TSPAN11: variants seen among roughly 807,000 people sequenced by gnomAD.
The protein encoded by TSPAN11 is tetraspanin-11.
TSPAN11 carries 29 observed loss-of-function variants against 32.9 expected under a neutral mutation model. The ratio of observed to expected loss-of-function variants is 0.88; its 90% CI spans 0.66 to 1.20. The LOEUF (loss-of-function observed/expected upper bound fraction) is 1.20, where lower values mean the gene tolerates loss of function less well. Among genes scored for constraint, TSPAN11 ranks in the 50% most tolerant of loss-of-function variants. The pLI, the probability that TSPAN11 is intolerant of heterozygous loss-of-function variation, is 0.00. For synonymous variants in TSPAN11, 140 were observed against 141.3 expected (o/e 0.99, Z 0.07); for missense variants, 283 against 329.1 (o/e 0.86, Z 1.08).
intron 3 of TSPAN11, among the ~76,000 whole-genome samples, chr12:30,968,202 C>T (rs1273170505): frequency 1.3e-5 from 2 of 152,160 alleles, no homozygotes; most frequent in Non-Finnish European, 2.9e-5. Flanking sequence ...ACCAAGTGGT[C>T]CCTGAGGAGG....
chr12:30,974,718 G>A (rs556607566), intron 3 of TSPAN11, among the ~76,000 whole-genome samples: 83 of 152,352 alleles, frequency 5.4e-4, no homozygotes, highest in South Asian at 6.2e-4. Flanking sequence ...CATGCTAGGG[G>A]ACAGAGTGGT....
chr12:30,995,655 C>T lies in TSPAN11; in HGVS notation c.*3740C>T, dbSNP rs1257814899. The T allele has an allele frequency of 6.6e-6, 1 of 152,170 alleles. No individual in the cohort carries two copies. Among genetic ancestry groups the T allele is most frequent in the Admixed American group, 6.5e-5 (1 of 15,284 alleles). The allele number at this position is 152,170 out of a possible 1,614,324, so 9.4% of individuals were successfully genotyped here. ...TCATCACCACCCACCCTGTCACCCA[C>T]CTGGAAAACATTCTTGATATACTGG... is the stretch of plus-strand genomic sequence containing the variant. On this transcript the variant is annotated 3_prime_UTR_variant, in exon 8 of 8. Coordinates refer to ENST00000546076, the MANE Select transcript of TSPAN11 (RefSeq NM_001370302.1).
At chr12:30,967,569 C>T (rs1938758596) in intron 3 of TSPAN11, among the ~76,000 whole-genome samples, 1 of 152,246 alleles carries the variant, frequency 6.6e-6, no homozygotes, top group Admixed American at 6.5e-5. Flanking sequence ...CCATCCCACA[C>T]AGAACTGGTG....
the TSPAN11 span, among the ~76,000 whole-genome samples, chr12:31,007,392 A>G: frequency 6.6e-6 from 1 of 151,352 alleles, no homozygotes; most frequent in Non-Finnish European, 1.5e-5. Flanking sequence ...CAGAAACCCC[A>G]GGGCCCCCAA....
At chr12:30,974,247 T>G (rs1938914099) in intron 3 of TSPAN11, among the ~76,000 whole-genome samples, 1 of 152,246 alleles carries the variant, frequency 6.6e-6, no homozygotes, top group Non-Finnish European at 1.5e-5. Context: ...AGTCCCAGCA[T>G]CAGCCTGAGA....
chr12:31,008,840 ACCC>A, the TSPAN11 span, among the ~76,000 whole-genome samples: 1 of 152,170 alleles, frequency 6.6e-6, no homozygotes, highest in African/African-American at 2.4e-5. Flanking sequence ...CTGGGTTCCC[ACCC>A]ATTTCCCTGA....
intron 3 of TSPAN11, chr12:30,978,239 GTCAC>G: frequency 3.0e-6 from 1 of 330,110 alleles, no homozygotes; most frequent in Non-Finnish European, 5.6e-6. Flanking sequence ...CAGCATTGCA[GTCAC>G]TCATCTGTCT....
chr12:30,956,188 T>C (rs977214300), intron 2 of TSPAN11, among the ~76,000 whole-genome samples: 5 of 152,188 alleles, frequency 3.3e-5, no homozygotes, highest in African/African-American at 9.7e-5. Flanking sequence ...GAGCTCTTCA[T>C]TGTAAACAAG....
At chr12:30,981,694 G>A (rs1592493838) in intron 5 of TSPAN11, among the ~76,000 whole-genome samples, 1 of 152,274 alleles carries the variant, frequency 6.6e-6, no homozygotes, top group East Asian at 1.9e-4. Flanking sequence ...CTTCTACCAC[G>A]CGACAGTGGA....
Position 30,937,446 on chromosome 12 carries a change from G to A in TSPAN11, c.-12+10650G>A, listed in dbSNP as rs536808361. ...GCGTACTTTTGGGGGGGCGGCAGGG[G>A]GCAGTGGGGCAGGGACATTTGTACA... On this transcript the variant is annotated intron_variant, in intron 1 of 7. Transcript: ENST00000546076. 1.5e-4 allele frequency among the ~76,000 whole-genome samples: 23 copies of A among 152,154 alleles called. No homozygotes were observed. In the East Asian group the frequency reaches 3.9e-3, roughly 26 times the overall value.
At chr12:30,957,818 TCCTTCCCTCCCTCCCTCCC>T (rs1938526959) in intron 2 of TSPAN11, among the ~76,000 whole-genome samples, 1 of 39,652 alleles carries the variant, frequency 2.5e-5, no homozygotes, top group African/African-American at 1.2e-4. Flanking sequence ...CTTCCTTCCC[TCCTTCCCTCCCTCCCTCCC>T]TCCTTCCTTC....
chr12:30,986,532 G>A (rs991837767), intron 7 of TSPAN11, among the ~76,000 whole-genome samples: 1 of 152,162 alleles, frequency 6.6e-6, no homozygotes, highest in Non-Finnish European at 1.5e-5. Context: ...CTACACTAAG[G>A]GTTTCCAATA....
intron 5 of TSPAN11, among the ~76,000 whole-genome samples, chr12:30,980,640 C>A (rs1174848237): frequency 6.6e-6 from 1 of 151,958 alleles, no homozygotes; most frequent in African/African-American, 2.4e-5. Flanking sequence ...TGAGCCCCAG[C>A]GGCGTCATGG....
the TSPAN11 span, among the ~76,000 whole-genome samples, chr12:31,006,854 G>A: frequency 6.6e-6 from 1 of 152,216 alleles, no homozygotes; most frequent in Non-Finnish European, 1.5e-5. Context: ...TTGAGTTGTA[G>A]TTTTAATATA....
intron 1 of TSPAN11, among the ~76,000 whole-genome samples, chr12:30,937,516 G>A (rs1938071459): frequency 6.6e-6 from 1 of 152,156 alleles, no homozygotes; most frequent in Non-Finnish European, 1.5e-5. Flanking sequence ...AACAAAGGCT[G>A]AACTGCTGTG....
At chr12:30,930,760 C>A (rs74086310) in intron 1 of TSPAN11, among the ~76,000 whole-genome samples, 1,609 of 152,306 alleles carry the variant, frequency 0.011, 23 homozygotes, top group African/African-American at 0.037. Context: ...ATGCTGGTCT[C>A]CCCTGTAGTA....
At chr12:30,991,267 C>A (rs943236115) in intron 7 of TSPAN11, among the ~76,000 whole-genome samples, 5 of 152,206 alleles carry the variant, frequency 3.3e-5, no homozygotes, top group Non-Finnish European at 7.3e-5. Context: ...AGGGTGACAG[C>A]TCAGGAGGCT....
At chr12:30,980,305 T>C (rs895975245) in intron 5 of TSPAN11, among the ~76,000 whole-genome samples, 1 of 152,218 alleles carries the variant, frequency 6.6e-6, no homozygotes, top group South Asian at 2.1e-4. Context: ...ACCACCCACA[T>C]GTGGCTATTT....
At chr12:30,941,946 G>T (rs1002333073) in intron 1 of TSPAN11, among the ~76,000 whole-genome samples, 1 of 152,204 alleles carries the variant, frequency 6.6e-6, no homozygotes, top group Non-Finnish European at 1.5e-5. Context: ...TTTCCTGTCT[G>T]AGCCAGTTTG....
Sources: allele counts gnomAD v4.1 joint callset (sites outside exome capture counted in the v4.1 genomes callset), GRCh38; gene constraint gnomAD v4.1.1; transcripts MANE v1.5; gene names NCBI Gene and HGNC (gene_info 2026-07-23, HGNC 2026-07-21).